MARCHF1: variants seen among roughly 807,000 people sequenced by gnomAD.
MARCHF1 encodes the protein E3 ubiquitin-protein ligase MARCHF1.
A neutral mutation model predicts 54.2 loss-of-function variants in MARCHF1; 40 were observed. The observed-to-expected ratio is 0.74, with a 90% confidence interval of 0.57 to 0.96. The LOEUF (loss-of-function observed/expected upper bound fraction) is 0.96, where lower values mean the gene tolerates loss of function less well. Among genes scored for constraint, MARCHF1 ranks in the 40% least tolerant of loss-of-function variants. The pLI is 0.00. For synonymous variants in MARCHF1, 236 were observed against 236.3 expected (o/e 1.00, Z 0.01); for missense variants, 586 against 656.5 (o/e 0.89, Z 1.17).
At chr4:164,053,242 T>TA (rs981158540) in intron 2 of MARCHF1, among the ~76,000 whole-genome samples, 11 of 152,098 alleles carry the variant, frequency 7.2e-5, no homozygotes, top group African/African-American at 2.4e-4. Flanking sequence ...AGTTTTTTTT[T>TA]AAAAAACAGT....
chr4:163,727,046 T>G (rs550822225), intron 4 of MARCHF1, among the ~76,000 whole-genome samples: 1 of 152,316 alleles, frequency 6.6e-6, no homozygotes, highest in Non-Finnish European at 1.5e-5. Context: ...TGGCAGTGCC[T>G]TTTGCAGCGA....
chr4:163,872,684 TGTGTGC>T (rs1750193330), intron 3 of MARCHF1, among the ~76,000 whole-genome samples: 1 of 152,170 alleles, frequency 6.6e-6, no homozygotes, highest in Non-Finnish European at 1.5e-5. Flanking sequence ...CATGTGTATG[TGTGTGC>T]GTGTGTGTAT....
At chr4:164,263,594 A>C (rs1733526959) in intron 1 of MARCHF1, among the ~76,000 whole-genome samples, 2 of 146,022 alleles carry the variant, frequency 1.4e-5, no homozygotes, top group Admixed American at 1.3e-4. Context: ...CCATACTAAG[A>C]ATGAGGCAGC....
chr4:163,658,223 C>T (rs1263952573), intron 5 of MARCHF1, among the ~76,000 whole-genome samples: 1 of 151,086 alleles, frequency 6.6e-6, no homozygotes, highest in Admixed American at 6.6e-5. Flanking sequence ...AAACAAACAA[C>T]CCCATTAAAA....
At chr4:164,187,229 T>C (rs2163395) in intron 1 of MARCHF1, among the ~76,000 whole-genome samples, 128,378 of 152,090 alleles carry the variant, frequency 0.84, 54,668 homozygotes, top group Non-Finnish European at 0.89. Flanking sequence ...GGACAGGGAG[T>C]AGATTTGCTT....
At chr4:163,635,095 G>A (rs1377797439) in intron 5 of MARCHF1, among the ~76,000 whole-genome samples, 2 of 71,182 alleles carry the variant, frequency 2.8e-5, no homozygotes, top group Non-Finnish European at 5.0e-5. Context: ...CGCATTCAAA[G>A]CAGTGTGTAG....
rs113532946 is a variant in MARCHF1, at chr4:164,340,812, C to T, written c.-323+43058G>A. Among the ~76,000 whole-genome samples the T allele has an allele frequency of 3.8e-3, 583 of 151,680 alleles. 3 individuals carry two copies. The highest frequency in any genetic ancestry group is 6.1e-3 in the Non-Finnish European group (417 of 67,946). ...GGCTCAAGCAATCTGCCTGCCTTGA[C>T]TTCCCAAAGTACTACGATTACAGGT... On this transcript the variant is annotated intron_variant, in intron 1 of 9. Coordinates refer to ENST00000514618, the MANE Select transcript of MARCHF1 (RefSeq NM_001394959.1).
intron 5 of MARCHF1, among the ~76,000 whole-genome samples, chr4:163,666,045 T>G (rs1046894136): frequency 6.6e-6 from 1 of 152,146 alleles, no homozygotes; most frequent in African/African-American, 2.4e-5. Flanking sequence ...AAATGTCTTC[T>G]TTAATTACTG....
intron 5 of MARCHF1, among the ~76,000 whole-genome samples, chr4:163,628,011 T>A (rs980060986): frequency 6.6e-6 from 1 of 152,092 alleles, no homozygotes; most frequent in Non-Finnish European, 1.5e-5. Flanking sequence ...ATCTTTGTGA[T>A]CTTGGAGTAG....
At chr4:163,842,911 A>G (rs1749381438) in intron 4 of MARCHF1, among the ~76,000 whole-genome samples, 1 of 152,080 alleles carries the variant, frequency 6.6e-6, no homozygotes, top group Admixed American at 6.6e-5. Flanking sequence ...GGTGTGTTAC[A>G]TGGGTAAATT....
chr4:163,862,554 C>A (rs1749962025), intron 3 of MARCHF1, among the ~76,000 whole-genome samples: 1 of 151,958 alleles, frequency 6.6e-6, no homozygotes, highest in African/African-American at 2.4e-5. Context: ...TTGATAATAC[C>A]AAATACTGAC....
chr4:164,309,917 A>G (rs1420985690), intron 1 of MARCHF1, among the ~76,000 whole-genome samples: 1 of 152,120 alleles, frequency 6.6e-6, no homozygotes, highest in Non-Finnish European at 1.5e-5. Flanking sequence ...GAGTTCCTCT[A>G]TCAAGAATGA....
chr4:163,964,789 A>G (rs947592398), intron 3 of MARCHF1, among the ~76,000 whole-genome samples: 3 of 151,980 alleles, frequency 2.0e-5, no homozygotes, highest in African/African-American at 7.2e-5. Context: ...AGCACACAGA[A>G]CATGCTAAAA....
At chr4:163,562,219 C>T (rs59928165) in intron 8 of MARCHF1, among the ~76,000 whole-genome samples, 1,730 of 152,196 alleles carry the variant, frequency 0.011, 31 homozygotes, top group African/African-American at 0.039. Context: ...ATCGCTGGAA[C>T]CCAGGAGGTG....
intron 9 of MARCHF1, chr4:163,530,733 A>G (rs1464690046): frequency 6.6e-6 from 1 of 151,968 alleles, no homozygotes; most frequent in African/African-American, 2.4e-5. Context: ...AAATATATGC[A>G]ATCAAATTTA....
chr4:164,202,030 C>G (rs564849777), intron 1 of MARCHF1, among the ~76,000 whole-genome samples: 1 of 152,070 alleles, frequency 6.6e-6, no homozygotes, highest in African/African-American at 2.4e-5. Context: ...GCTATAGTAG[C>G]GAATGAAATG....
chr4:164,083,224 C>G (rs1755134026), intron 2 of MARCHF1, among the ~76,000 whole-genome samples: 1 of 152,030 alleles, frequency 6.6e-6, no homozygotes, highest in Non-Finnish European at 1.5e-5. Context: ...GCTATGGTCT[C>G]TGCGGGGTGG....
intron 2 of MARCHF1, among the ~76,000 whole-genome samples, chr4:164,044,717 G>A (rs1244067225): frequency 2.6e-5 from 4 of 152,012 alleles, no homozygotes; most frequent in African/African-American, 9.7e-5. Context: ...TATATATAGT[G>A]AGAGTCTATA....
intron 7 of MARCHF1, 86 bp from the exon 8 acceptor site, chr4:163,586,015 T>C: frequency 1.7e-6 from 2 of 1,174,864 alleles, no homozygotes; most frequent in Non-Finnish European, 2.3e-6. Flanking sequence ...ATACTAGGGC[T>C]ATTATAAACC....
Sources: gnomAD v4.1 joint callset for allele counts (sites outside exome capture counted in the v4.1 genomes callset) on GRCh38, gnomAD v4.1.1 for gene constraint, MANE v1.5 for transcripts, NCBI Gene and HGNC (gene_info 2026-07-23, HGNC 2026-07-21) for gene names.